The following CACNA2D3 variants were observed in gnomAD, a reference collection of about 807,000 sequenced individuals.
The protein encoded by CACNA2D3 is voltage-dependent calcium channel subunit alpha-2/delta-3.
In CACNA2D3, 60 loss-of-function variants were observed where a neutral mutation model predicts 160.6. The observed-to-expected ratio is 0.37, with a 90% CI of 0.30 to 0.46. The LOEUF (loss-of-function observed/expected upper bound fraction) is 0.46. CACNA2D3 is among the 20% of genes least tolerant of loss of function. The pLI, the probability that CACNA2D3 is intolerant of heterozygous loss-of-function variation, is 1.00. For synonymous variants in CACNA2D3, 558 were observed against 492.9 expected, an observed-to-expected ratio of 1.13 and a Z score of -1.75; for missense variants, 1,205 against 1,365.0, an observed-to-expected ratio of 0.88 and a Z score of 1.85.
intron 11 of CACNA2D3, among the ~76,000 whole-genome samples, chr3:54,734,288 CG>C (rs1261831757): frequency 2.0e-5 from 3 of 152,070 alleles, no homozygotes; most frequent in African/African-American, 7.3e-5. Flanking sequence ...CTTCCTAAAG[CG>C]GGACTCAGTT....
At chr3:54,413,424 C>CTATATATATATATCTA (rs1559474780) in intron 4 of CACNA2D3, among the ~76,000 whole-genome samples, 53 of 145,540 alleles carry the variant, frequency 3.6e-4, no homozygotes, top group African/African-American at 5.2e-4. Context: ...ATATAGATAT[C>CTATATATATATATCTA]TATATATATA....
chr3:54,825,873 ATTAG>A (rs1229923018), intron 14 of CACNA2D3, among the ~76,000 whole-genome samples: 12 of 152,298 alleles, frequency 7.9e-5, no homozygotes, highest in South Asian at 6.2e-4. Context: ...ATCTGACTTT[ATTAG>A]TTCTCATAGG....
intron 4 of CACNA2D3, among the ~76,000 whole-genome samples, chr3:54,461,009 C>T (rs1464380440): frequency 6.6e-6 from 1 of 151,930 alleles, no homozygotes; most frequent in Non-Finnish European, 1.5e-5. Context: ...TTGTCAAAGG[C>T]CTTTTCTGCA....
At chr3:54,341,350 T>C (rs1403537576) in intron 3 of CACNA2D3, among the ~76,000 whole-genome samples, 2 of 152,180 alleles carry the variant, frequency 1.3e-5, no homozygotes, top group Non-Finnish European at 2.9e-5. Context: ...TCTGAGCCAG[T>C]TGCTAGGTTC....
chr3:54,227,434 A>G (rs1312612731), intron 2 of CACNA2D3, among the ~76,000 whole-genome samples: 1 of 151,924 alleles, frequency 6.6e-6, no homozygotes, highest in Non-Finnish European at 1.5e-5. Flanking sequence ...AAAATAACAA[A>G]TTTTTAGTCT....
intron 5 of CACNA2D3, among the ~76,000 whole-genome samples, chr3:54,556,701 G>T (rs1702247023): frequency 6.6e-6 from 1 of 152,148 alleles, no homozygotes; most frequent in African/African-American, 2.4e-5. Context: ...AACAGAATTT[G>T]AAACAGAACA....
intron 9 of CACNA2D3, chr3:54,626,694 AAAAAAAAAAAAAAAAG>A (rs1221978145): frequency 2.8e-6 from 2 of 720,814 alleles, no homozygotes; most frequent in African/African-American, 2.0e-5. Flanking sequence ...CAAAAAAAAA[AAAAAAAAAAAAAAAAG>A]AAAGAAAAAG....
intron 12 of CACNA2D3, among the ~76,000 whole-genome samples, chr3:54,762,473 C>T (rs1266929984): frequency 6.6e-6 from 1 of 152,170 alleles, no homozygotes; most frequent in Non-Finnish European, 1.5e-5. Context: ...TTGAATGTGC[C>T]ATTTTGTAAT....
At chr3:54,871,998 G>T (rs751394671) in intron 18 of CACNA2D3, among the ~76,000 whole-genome samples, 13 of 152,204 alleles carry the variant, frequency 8.5e-5, no homozygotes, top group Non-Finnish European at 1.8e-4. Flanking sequence ...CAGGGTGCCT[G>T]CAGGCCAAGC....
At chr3:54,531,542 A>G (rs1352755180) in intron 5 of CACNA2D3, among the ~76,000 whole-genome samples, 1 of 152,208 alleles carries the variant, frequency 6.6e-6, no homozygotes, top group Non-Finnish European at 1.5e-5. Context: ...CTTGCAGTGA[A>G]TAAGCTTGTC....
At chr3:54,160,328 A>C (rs1017193140) in intron 2 of CACNA2D3, among the ~76,000 whole-genome samples, 1 of 152,084 alleles carries the variant, frequency 6.6e-6, no homozygotes, top group African/African-American at 2.4e-5. Flanking sequence ...GCAAAACCCT[A>C]TCTCTACTAA....
chr3:54,781,732 T>G (rs1702541448), intron 13 of CACNA2D3, among the ~76,000 whole-genome samples: 1 of 152,262 alleles, frequency 6.6e-6, no homozygotes, highest in South Asian at 2.1e-4. Flanking sequence ...AATTCTGCCA[T>G]CTATGCAGAT....
chr3:54,546,360 T>C (rs1190208993), intron 5 of CACNA2D3, among the ~76,000 whole-genome samples: 1 of 152,210 alleles, frequency 6.6e-6, no homozygotes, highest in Admixed American at 6.5e-5. Context: ...TGGTTCCTTA[T>C]ATTGGGAAGA....
chr3:54,278,818 A>G (rs929642058), intron 2 of CACNA2D3, among the ~76,000 whole-genome samples: 2 of 151,628 alleles, frequency 1.3e-5, no homozygotes, highest in African/African-American at 4.8e-5. Context: ...GGAACATCAC[A>G]CACCAGGGCC....
In CACNA2D3 at chr3:55,007,812, C is replaced by A. The variant is rs751066960; in HGVS notation, c.2789C>A (p.Ala930Glu). 2 of 1,562,772 alleles carry A rather than the reference C, an allele frequency of 1.3e-6. No homozygotes were observed. Among genetic ancestry groups the A allele is most frequent in the Admixed American group, 2.0e-5 (1 of 49,462 alleles). ...CAGCCTTATAATGCCTTCCTCTCTG[C>A]AGTAAAATGGATCATGACAGAACTT... is the stretch of plus-strand genomic sequence containing the variant. ...LLDPYNAFLS[A>E]VKWIMTELVL... Residue 930 changes from alanine (A) to glutamate (E), a missense_variant, in exon 33 of 38, where the codon GCA becomes GAA. Physicochemically the swap from Ala to Glu is moderately radical, Grantham distance 107 (BLOSUM62 -1). Transcript: ENST00000474759.
intron 17 of CACNA2D3, among the ~76,000 whole-genome samples, chr3:54,860,580 G>A (rs1026161530): frequency 3.3e-5 from 5 of 152,200 alleles, no homozygotes; most frequent in Admixed American, 1.3e-4. Flanking sequence ...TCATTTGAGC[G>A]TTAATGATTT....
At chr3:54,844,656 G>A (rs1698896442) in intron 16 of CACNA2D3, among the ~76,000 whole-genome samples, 1 of 152,084 alleles carries the variant, frequency 6.6e-6, no homozygotes, top group Non-Finnish European at 1.5e-5. Flanking sequence ...TGGTAGGGGA[G>A]GCAGGCATGA....
intron 35 of CACNA2D3, among the ~76,000 whole-genome samples, chr3:55,058,996 A>G (rs1265363270): frequency 6.6e-6 from 1 of 152,206 alleles, no homozygotes; most frequent in African/African-American, 2.4e-5. Context: ...TACCATTAAC[A>G]TGGTACACTT....
At chr3:54,170,794 A>G (rs1301743127) in intron 2 of CACNA2D3, among the ~76,000 whole-genome samples, 2 of 152,116 alleles carry the variant, frequency 1.3e-5, no homozygotes, top group African/African-American at 4.8e-5. Context: ...AAGAAACCAA[A>G]TTTTCATCAA....
Sources: gnomAD v4.1 joint callset for allele counts (sites outside exome capture counted in the v4.1 genomes callset) on GRCh38, gnomAD v4.1.1 for gene constraint, MANE v1.5 for transcripts, NCBI Gene and HGNC (gene_info 2026-07-23, HGNC 2026-07-21) for gene names.